The following STIM1 variants were observed in gnomAD, a reference collection of about 807,000 sequenced individuals.
STIM1 encodes the protein stromal interaction molecule 1.
A neutral mutation model predicts 74.7 loss-of-function variants in STIM1; 25 were observed. That is an observed-to-expected ratio of 0.33 (90% CI 0.24 to 0.47). The LOEUF is 0.47. Among genes scored for constraint, STIM1 ranks in the 20% least tolerant of loss-of-function variants. STIM1 has a pLI of 1.00. For synonymous variants in STIM1, 328 were observed against 348.8 expected (o/e 0.94, Z 0.66); for missense variants, 728 against 920.8 (o/e 0.79, Z 2.71).
At chr11:3,974,212 A>G in intron 2 of STIM1, 2 of 474,440 alleles carry the variant, frequency 4.2e-6, no homozygotes, top group Non-Finnish European at 7.6e-6. Flanking sequence ...TGTTGGGACT[A>G]CTTAAGAGAC....
intron 4 of STIM1, among the ~76,000 whole-genome samples, chr11:4,058,572 C>G (rs2094308575): frequency 6.6e-6 from 1 of 152,140 alleles, no homozygotes; most frequent in African/African-American, 2.4e-5. Context: ...CTCTTATATC[C>G]ACTGTGTTCC....
In STIM1 at chr11:4,066,571, G is replaced by A. The variant is rs369601350; in HGVS notation, c.614-3455G>A. On this transcript the variant is annotated intron_variant, in intron 5 of 12. Transcript: ENST00000526596. ...GACATGGAAGTTGAAAAATAGGCTG[G>A]GCGCAGTGACTCTCTCCTGTAATTC... Among the ~76,000 whole-genome samples, 136 of 152,220 alleles carry A rather than the reference G, an allele frequency of 8.9e-4. 2 individuals are homozygous for A. In the South Asian group the frequency reaches 0.028, roughly 31 times the overall value.
chr11:3,974,721 T>A (rs1002698539), intron 2 of STIM1, among the ~76,000 whole-genome samples: 4 of 152,118 alleles, frequency 2.6e-5, no homozygotes, highest in Admixed American at 1.3e-4. Flanking sequence ...TTGGTGATGG[T>A]GCCCTTCTTG....
chr11:4,016,081 C>A (rs186334073), intron 2 of STIM1, among the ~76,000 whole-genome samples: 3 of 152,276 alleles, frequency 2.0e-5, no homozygotes, highest in African/African-American at 7.2e-5. Flanking sequence ...CAGTTTTGTT[C>A]CCTTGCTGGC....
intron 2 of STIM1, among the ~76,000 whole-genome samples, chr11:3,969,934 T>C (rs905950911): frequency 2.0e-5 from 3 of 152,232 alleles, no homozygotes; most frequent in African/African-American, 7.2e-5. Context: ...AATACAGCCA[T>C]GTTCCTGGGG....
intron 1 of STIM1, among the ~76,000 whole-genome samples, chr11:3,958,173 T>C (rs938077667): frequency 1.3e-5 from 2 of 152,220 alleles, no homozygotes; most frequent in African/African-American, 4.8e-5. Context: ...TGATTAATTT[T>C]TGATGAGCGA....
chr11:3,973,283 A>T (rs1272423318), intron 2 of STIM1: 1 of 478,800 alleles, frequency 2.1e-6, no homozygotes, highest in African/African-American at 2.0e-5. Flanking sequence ...CACCTCCACG[A>T]CCATCACCAG....
At chr11:3,914,644 A>G (rs4910862) in intron 1 of STIM1, among the ~76,000 whole-genome samples, 141,399 of 152,134 alleles carry the variant, frequency 0.93, 65,736 homozygotes, top group African/African-American at 0.95. Context: ...GTTTCACCAT[A>G]TTGGCCAGGA....
At chr11:3,865,830 C>T (rs1303500886) in intron 1 of STIM1, among the ~76,000 whole-genome samples, 1 of 152,160 alleles carries the variant, frequency 6.6e-6, no homozygotes, top group South Asian at 2.1e-4. Flanking sequence ...AGGGGAGGTT[C>T]TCTGGGCATT....
At chr11:4,088,995 G>T in intron 12 of STIM1, 2 of 414,872 alleles carry the variant, frequency 4.8e-6, no homozygotes, top group Non-Finnish European at 9.1e-6. Context: ...ACTTTGGGAG[G>T]CCGAGAGCGG....
chr11:3,928,178 A>G (rs1394007770), intron 1 of STIM1, among the ~76,000 whole-genome samples: 1 of 149,166 alleles, frequency 6.7e-6, no homozygotes, highest in African/African-American at 2.5e-5. Context: ...GGAAGGACAT[A>G]TTTTTTCTTT....
At chr11:3,879,360 A>C (rs951575075) in intron 1 of STIM1, among the ~76,000 whole-genome samples, 1 of 152,196 alleles carries the variant, frequency 6.6e-6, no homozygotes, top group African/African-American at 2.4e-5. Context: ...GACTTATTCC[A>C]GGGACTTCCC....
chr11:3,915,092 C>T (rs970669270), intron 1 of STIM1, among the ~76,000 whole-genome samples: 2 of 151,872 alleles, frequency 1.3e-5, no homozygotes, highest in African/African-American at 4.8e-5. Context: ...AGTCCTTTGT[C>T]CATTTAAAAT....
intron 2 of STIM1, among the ~76,000 whole-genome samples, chr11:3,970,640 T>C (rs2093384002): frequency 6.6e-6 from 1 of 151,958 alleles, no homozygotes; most frequent in African/African-American, 2.4e-5. Context: ...GAAAATTTCA[T>C]AAGATATTAA....
chr11:3,956,122 T>G (rs2093209588), intron 1 of STIM1, among the ~76,000 whole-genome samples: 1 of 152,126 alleles, frequency 6.6e-6, no homozygotes, highest in African/African-American at 2.4e-5. Context: ...AATTTTAACT[T>G]TATCTTAAGA....
At chr11:4,017,037 C>A (rs2093905125) in intron 2 of STIM1, among the ~76,000 whole-genome samples, 1 of 152,224 alleles carries the variant, frequency 6.6e-6, no homozygotes, top group African/African-American at 2.4e-5. Flanking sequence ...CCAGGTAAGG[C>A]AATGCCCCAC....
rs896720816 is a variant in STIM1, at chr11:4,046,049, C to T, written c.386-9477C>T. On this transcript the variant is annotated intron_variant, in intron 3 of 12. Transcript: ENST00000526596. ...CCTCCCAAAGTGCTGGGATTACAGG[C>T]GTGAGCTACCTTTTTTTTTTTTTTT... 6.0e-5 allele frequency among the ~76,000 whole-genome samples: 8 copies of T among 134,276 alleles called. No individual in the cohort carries two copies. In the South Asian group the frequency reaches 1.3e-3, roughly 22 times the overall value. The allele number at this position is 134,276 out of a possible 152,430, so 88.1% of individuals were successfully genotyped here.
intron 2 of STIM1, among the ~76,000 whole-genome samples, chr11:3,985,752 C>T (rs751698795): frequency 4.6e-5 from 7 of 152,224 alleles, no homozygotes; most frequent in Admixed American, 1.3e-4. Context: ...GAGGAATTGG[C>T]AGCTGGCTCC....
rs867969007 is a variant in STIM1 at position 3,875,777 on chromosome 11, A to C, written c.139+19368A>C. 1.8e-4 allele frequency among the ~76,000 whole-genome samples: 27 copies of C among 152,140 alleles called. 1 individual carries two copies. In the South Asian group the frequency reaches 4.6e-3, roughly 26 times the overall value. On this transcript the variant is annotated intron_variant, in intron 1 of 12. Coordinates refer to ENST00000526596, the MANE Select transcript of STIM1 (RefSeq NM_001382567.1). ...CAACAAAAAAATCAAACCAACAACA[A>C]AATATAGTTAAAACGCCTTTAGTGG...
Sources: allele counts gnomAD v4.1 joint callset (sites outside exome capture counted in the v4.1 genomes callset), GRCh38; gene constraint gnomAD v4.1.1; transcripts MANE v1.5; gene names NCBI Gene and HGNC (gene_info 2026-07-23, HGNC 2026-07-21).